ADAMTS3: variants seen among roughly 807,000 people sequenced by gnomAD.
ADAMTS3 encodes ADAM metallopeptidase with thrombospondin type 1 motif 3.
Under a neutral mutation model 129.0 loss-of-function variants are expected in ADAMTS3, and 73 were observed. The observed-to-expected ratio is 0.57, with a 90% CI of 0.47 to 0.69. The LOEUF (loss-of-function observed/expected upper bound fraction) is 0.69. Among genes scored for constraint, ADAMTS3 ranks in the 30% least tolerant of loss-of-function variants. The pLI is 0.00. For missense variants in ADAMTS3, 1,457 were observed against 1,514.5 expected, an observed-to-expected ratio of 0.96 and a Z score of 0.63; for synonymous variants, 477 against 510.8, an observed-to-expected ratio of 0.93 and a Z score of 0.89.
chr4:72,302,699 A>C (rs1718981799), intron 17 of ADAMTS3, among the ~76,000 whole-genome samples: 1 of 152,168 alleles, frequency 6.6e-6, no homozygotes, highest in Non-Finnish European at 1.5e-5. Flanking sequence ...CGGTAAACTG[A>C]GTATATCACA....
chr4:72,307,031 C>T (rs1032230625), intron 15 of ADAMTS3, among the ~76,000 whole-genome samples: 20 of 151,788 alleles, frequency 1.3e-4, no homozygotes, highest in African/African-American at 4.8e-4. Flanking sequence ...GATTATGTAA[C>T]CTACACCTTC....
At chr4:72,485,652 T>G (rs1453523130) in intron 3 of ADAMTS3, among the ~76,000 whole-genome samples, 2 of 152,200 alleles carry the variant, frequency 1.3e-5, no homozygotes, top group Non-Finnish European at 2.9e-5. Context: ...TTTTCTCTCC[T>G]GAGTTATATT....
At chr4:72,552,222 A>G (rs1198405175) in intron 2 of ADAMTS3, among the ~76,000 whole-genome samples, 1 of 152,184 alleles carries the variant, frequency 6.6e-6, no homozygotes, top group African/African-American at 2.4e-5. Context: ...TCCACTTGTG[A>G]TCTTCAGCAA....
At chr4:72,423,712 A>G (rs1722502071) in intron 3 of ADAMTS3, among the ~76,000 whole-genome samples, 1 of 152,234 alleles carries the variant, frequency 6.6e-6, no homozygotes, top group Admixed American at 6.5e-5. Context: ...GCCTCTCCAG[A>G]ATTTCTGCAA....
intron 4 of ADAMTS3, among the ~76,000 whole-genome samples, chr4:72,383,418 C>G (rs1721351818): frequency 6.6e-6 from 1 of 152,234 alleles, no homozygotes; most frequent in South Asian, 2.1e-4. Flanking sequence ...GAATGAGAAC[C>G]AGGATTTTAC....
intron 2 of ADAMTS3, among the ~76,000 whole-genome samples, chr4:72,549,119 T>A (rs551590601): frequency 6.6e-6 from 1 of 152,190 alleles, no homozygotes; most frequent in East Asian, 1.9e-4. Flanking sequence ...TAAAATTACA[T>A]TGTAAATATT....
intron 3 of ADAMTS3, among the ~76,000 whole-genome samples, chr4:72,474,958 C>T (rs1488446209): frequency 4.0e-5 from 6 of 149,540 alleles, no homozygotes; most frequent in African/African-American, 1.2e-4. Flanking sequence ...ACCCGGGAGG[C>T]GGAGCTTGCA....
chr4:72,438,356 G>T (rs1718025817), intron 3 of ADAMTS3, among the ~76,000 whole-genome samples: 1 of 151,588 alleles, frequency 6.6e-6, no homozygotes, highest in Non-Finnish European at 1.5e-5. Context: ...GTTACGTTAT[G>T]TTAGAAATTA....
chr4:72,312,774 T>A (rs1308429014), intron 12 of ADAMTS3, among the ~76,000 whole-genome samples: 1 of 152,170 alleles, frequency 6.6e-6, no homozygotes, highest in Non-Finnish European at 1.5e-5. Context: ...TTTGCTACCA[T>A]GTATAAAACA....
intron 3 of ADAMTS3, among the ~76,000 whole-genome samples, chr4:72,484,996 G>GTGTAAAATGTCAGTAAGATGAAATGGGT (rs922041820): frequency 6.6e-6 from 1 of 152,130 alleles, no homozygotes; most frequent in Non-Finnish European, 1.5e-5. Context: ...TGAAAATGGT[G>GTGTAAAATGTCAGTAAGATGAAATGGGT]TGTAAAATGT....
Position 72,405,232 on chromosome 4 carries a change from T to C in ADAMTS3, c.661+9583A>G, listed in dbSNP as rs568939415. 5.9e-5 allele frequency among the ~76,000 whole-genome samples: 9 copies of C among 152,154 alleles called. No homozygotes were observed. In the South Asian group the frequency reaches 1.7e-3, roughly 28 times the overall value. ...CTGAAATCAGGACCTTGAAGAAATA[T>C]TTGCAACCTGGTGTTCACTTCAGCA... On this transcript the variant is annotated intron_variant, in intron 4 of 21. Coordinates refer to ENST00000286657, the MANE Select transcript of ADAMTS3 (RefSeq NM_014243.3).
At chr4:72,456,386 A>AC (rs1560522868) in intron 3 of ADAMTS3, among the ~76,000 whole-genome samples, 17 of 110,336 alleles carry the variant, frequency 1.5e-4, no homozygotes, top group Non-Finnish European at 2.8e-4. Flanking sequence ...TATATATAGT[A>AC]TATATATTAT....
At chr4:72,557,155 G>C (rs1183088250) in intron 2 of ADAMTS3, among the ~76,000 whole-genome samples, 1 of 151,730 alleles carries the variant, frequency 6.6e-6, no homozygotes, top group Non-Finnish European at 1.5e-5. Context: ...GAATGAAATC[G>C]AATAAGCATT....
chr4:72,515,439 T>C (rs1053651094), intron 3 of ADAMTS3, among the ~76,000 whole-genome samples: 1 of 151,964 alleles, frequency 6.6e-6, no homozygotes, highest in Non-Finnish European at 1.5e-5. Flanking sequence ...TGAACTAGTT[T>C]ACAGTCCTAC....
rs1360329817 is a variant in ADAMTS3 at position 72,291,487 on chromosome 4, GA to G, written c.2724-426del. ...CACTGTTCAATTCCCATCTATGAGTGAGAACATGCGGTGTTTCGTTTTTTGT... is the reference window on the plus strand; with the variant it reads ...CACTGTTCAATTCCCATCTATGAGTGGAACATGCGGTGTTTCGTTTTTTGT... On this transcript the variant is annotated intron_variant, in intron 19 of 21. Transcript: ENST00000286657. Among the ~76,000 whole-genome samples, 28 of 145,500 alleles carry G rather than the reference GA, an allele frequency of 1.9e-4. No individual in the cohort carries two copies. In the East Asian group the frequency reaches 5.6e-3, roughly 29 times the overall value.
At chr4:72,561,915 TAGTC>T (rs556740097) in intron 2 of ADAMTS3, among the ~76,000 whole-genome samples, 213 of 152,326 alleles carry the variant, frequency 1.4e-3, no homozygotes, top group Middle Eastern at 3.4e-3. Flanking sequence ...GATTTACAGT[TAGTC>T]AGCAAAGTCA....
intron 4 of ADAMTS3, among the ~76,000 whole-genome samples, chr4:72,405,975 C>T (rs1316279172): frequency 1.3e-5 from 2 of 152,052 alleles, no homozygotes; most frequent in African/African-American, 2.4e-5. Flanking sequence ...ACTTTATGGG[C>T]GGCTAGGACA....
chr4:72,468,974 G>C (rs1718992897), intron 3 of ADAMTS3, among the ~76,000 whole-genome samples: 2 of 151,976 alleles, frequency 1.3e-5, no homozygotes, highest in Non-Finnish European at 2.9e-5. Context: ...ATTACTAGAT[G>C]GTTGTTCATA....
intron 4 of ADAMTS3, among the ~76,000 whole-genome samples, chr4:72,373,301 G>T (rs1305100118): frequency 4.6e-5 from 7 of 152,068 alleles, no homozygotes; most frequent in South Asian, 2.1e-4. Context: ...CACACATATG[G>T]TCGCCTCAAA....
Sources: allele counts gnomAD v4.1 joint callset (sites outside exome capture counted in the v4.1 genomes callset), GRCh38; gene constraint gnomAD v4.1.1; transcripts MANE v1.5; gene names NCBI Gene and HGNC (gene_info 2026-07-23, HGNC 2026-07-21).